COL14A1: variants seen among roughly 807,000 people sequenced by gnomAD.
The protein encoded by COL14A1 is collagen type XIV alpha 1 chain.
COL14A1 carries 136 observed loss-of-function variants against 230.3 expected under a neutral mutation model. The observed-to-expected ratio is 0.59, with a 90% confidence interval of 0.51 to 0.68. The LOEUF (loss-of-function observed/expected upper bound fraction) is 0.68. Ranked by LOEUF, COL14A1 falls within the 30% of genes least tolerant of loss-of-function variation. The probability of loss-of-function intolerance (pLI) is 0.00; values close to 1 mark genes in which losing one functional copy is unlikely to be tolerated. For synonymous variants in COL14A1, 792 were observed against 784.1 expected (o/e 1.01, Z -0.17); for missense variants, 1,976 against 2,215.8 (o/e 0.89, Z 2.17).
intron 23 of COL14A1, among the ~76,000 whole-genome samples, chr8:120,257,885 A>G (rs7813506): frequency 0.57 from 86,275 of 151,944 alleles, 25,638 homozygotes; most frequent in African/African-American, 0.76. Flanking sequence ...TTCATAGCTT[A>G]AGCATGTGCA....
chr8:120,286,267 G>A (rs557530582), intron 33 of COL14A1, among the ~76,000 whole-genome samples: 32 of 152,110 alleles, frequency 2.1e-4, no homozygotes, highest in Admixed American at 1.5e-3. Flanking sequence ...TTGCTCATTT[G>A]CTACATTAGG....
intron 14 of COL14A1, among the ~76,000 whole-genome samples, chr8:120,222,790 A>G (rs1817971507): frequency 1.3e-5 from 2 of 152,162 alleles, no homozygotes; most frequent in Admixed American, 1.3e-4. Context: ...ATAATTCAAC[A>G]TACAGTGGTG....
chr8:120,203,022 T>TATATATATATATATATATA (rs1817305659), intron 8 of COL14A1, among the ~76,000 whole-genome samples: 1 of 57,684 alleles, frequency 1.7e-5, no homozygotes, highest in Non-Finnish European at 4.5e-5. Flanking sequence ...ATATATATAT[T>TATATATATATATATATATA]TGTTCTAGCA....
chr8:120,189,133 T>C (rs1816736066), intron 5 of COL14A1, among the ~76,000 whole-genome samples: 1 of 152,234 alleles, frequency 6.6e-6, no homozygotes, highest in Non-Finnish European at 1.5e-5. Context: ...TATATGATTA[T>C]TGAACTTGAA....
At chr8:120,132,985 A>C (rs1814584432) in intron 1 of COL14A1, among the ~76,000 whole-genome samples, 1 of 152,148 alleles carries the variant, frequency 6.6e-6, no homozygotes, top group Non-Finnish European at 1.5e-5. Flanking sequence ...TGGGAGGCCG[A>C]GACGGGCGGA....
At chr8:120,196,643 T>G (rs1294951469) in intron 5 of COL14A1, 148 bp from the exon 6 acceptor site, 7 of 729,128 alleles carry the variant, frequency 9.6e-6, no homozygotes, top group East Asian at 2.8e-5. Flanking sequence ...GTAAAATACA[T>G]TTAAGGGAAG....
At position 120,247,579 on chromosome 8, in the gene COL14A1, T is replaced by C. The variant is rs770594429; in HGVS notation, c.2480-34T>C. 1.9e-6 allele frequency: 3 copies of C among 1,597,416 alleles called. No individual in the cohort carries two copies. The South Asian group carries it at 3.4e-5, about 18-fold the overall frequency. The stretch of plus-strand genomic sequence containing the variant: ...TAGGACATAAAGAAGGAAATTACAC[T>C]GAATCCCTGTTTTTCCTTTTCTTTT... On this transcript the variant is annotated intron_variant, in intron 20 of 47. Transcript: ENST00000297848.
chr8:120,150,395 A>G (rs1815241932), intron 2 of COL14A1, among the ~76,000 whole-genome samples: 1 of 152,212 alleles, frequency 6.6e-6, no homozygotes, highest in Admixed American at 6.5e-5. Flanking sequence ...CAATGTGATT[A>G]GAGAGAATGC....
At chr8:120,161,305 G>T (rs570490947) in intron 3 of COL14A1, among the ~76,000 whole-genome samples, 1 of 152,230 alleles carries the variant, frequency 6.6e-6, no homozygotes, top group African/African-American at 2.4e-5. Flanking sequence ...TAGAGAGACA[G>T]AAGTTTTAAA....
At chr8:120,211,340 A>G (rs775614196) in intron 12 of COL14A1, among the ~76,000 whole-genome samples, 16 of 152,352 alleles carry the variant, frequency 1.1e-4, no homozygotes, top group South Asian at 4.1e-4. Context: ...ATGTATCAAC[A>G]TGGATAAATC....
At chr8:120,144,646 T>C (rs1327572194) in intron 1 of COL14A1, among the ~76,000 whole-genome samples, 1 of 152,082 alleles carries the variant, frequency 6.6e-6, no homozygotes, top group African/African-American at 2.4e-5. Context: ...TACTAACCTA[T>C]ACAGTAAGAA....
chr8:120,168,029 G>A (rs1815968254), intron 4 of COL14A1, 132 bp from the exon 5 acceptor site: 2 of 516,008 alleles, frequency 3.9e-6, no homozygotes, highest in African/African-American at 1.9e-5. Flanking sequence ...CTAATATTTG[G>A]GGATGAGTTT....
In COL14A1 at chr8:120,169,002, C is replaced by T. The variant is rs186666432; in HGVS notation, c.436+755C>T. 3.0e-3 allele frequency among the ~76,000 whole-genome samples: 459 copies of T among 152,088 alleles called. 1 individual carries two copies. The highest frequency in any genetic ancestry group is 0.013 in the South Asian group (64 of 4,816). The stretch of plus-strand genomic sequence containing the variant: ...TCCTGAGTAGCTGGGATTACAGGTG[C>T]GTGCCACCATGCCCAGCTAATTTTT... On this transcript the variant is annotated intron_variant, in intron 5 of 47. Transcript: ENST00000297848.
At chr8:120,150,125 G>C (rs1276874162) in intron 2 of COL14A1, among the ~76,000 whole-genome samples, 1 of 152,198 alleles carries the variant, frequency 6.6e-6, no homozygotes, top group Non-Finnish European at 1.5e-5. Flanking sequence ...TAGGGAGACA[G>C]GGCTGTAAGC....
chr8:120,183,420 T>C (rs905367486), intron 5 of COL14A1, among the ~76,000 whole-genome samples: 2 of 152,226 alleles, frequency 1.3e-5, no homozygotes, highest in Non-Finnish European at 2.9e-5. Context: ...GCATCTGCTG[T>C]CATTAACAGA....
intron 24 of COL14A1, 31 bp downstream of exon 24, chr8:120,263,045 C>G: frequency 2.6e-6 from 4 of 1,549,698 alleles, no homozygotes; most frequent in Non-Finnish European, 3.5e-6. Flanking sequence ...CCTGATCCCT[C>G]TCCCCATGAA....
At chr8:120,228,872 C>T in intron 18 of COL14A1, 103 bp downstream of exon 18, 2 of 999,034 alleles carry the variant, frequency 2.0e-6, no homozygotes, top group South Asian at 1.5e-5. Context: ...AAGAGATGAC[C>T]CTCCCTTCCT....
At chr8:120,342,638 A>G (rs1261812738) in intron 44 of COL14A1, among the ~76,000 whole-genome samples, 192 bp downstream of exon 44, 1 of 152,172 alleles carries the variant, frequency 6.6e-6, no homozygotes, top group Non-Finnish European at 1.5e-5. Flanking sequence ...CTCTACATCG[A>G]TGGTACAAAA....
chr8:120,212,413 T>C (rs777300521), intron 12 of COL14A1, 35 bp from the exon 13 acceptor site: 2 of 1,608,794 alleles, frequency 1.2e-6, no homozygotes, highest in Admixed American at 1.7e-5. Context: ...ATAATATGTA[T>C]TGGCAAATGA....
Sources: allele counts gnomAD v4.1 joint callset (sites outside exome capture counted in the v4.1 genomes callset), GRCh38; gene constraint gnomAD v4.1.1; transcripts MANE v1.5; gene names NCBI Gene and HGNC (gene_info 2026-07-23, HGNC 2026-07-21).